The following GALNTL6 variants were observed in gnomAD, a reference collection of about 807,000 sequenced individuals.
The protein encoded by GALNTL6 is polypeptide N-acetylgalactosaminyltransferase like 6, also known as polypeptide N-acetylgalactosaminyltransferase-like 6.
GALNTL6 carries 46 observed loss-of-function variants against 73.7 expected under a neutral mutation model. The ratio of observed to expected loss-of-function variants is 0.62; its 90% CI spans 0.49 to 0.80. The LOEUF (loss-of-function observed/expected upper bound fraction) is 0.80. GALNTL6 is among the 30% of genes least tolerant of loss of function. The probability of loss-of-function intolerance (pLI) is 0.00; values close to 1 mark genes in which losing one functional copy is unlikely to be tolerated. For missense variants in GALNTL6, 604 were observed against 755.0 expected, an observed-to-expected ratio of 0.80 and a Z score of 2.34; for synonymous variants, 259 against 263.7, an observed-to-expected ratio of 0.98 and a Z score of 0.17.
At chr4:172,056,804 C>A (rs1403869825) in intron 2 of GALNTL6, among the ~76,000 whole-genome samples, 1 of 151,902 alleles carries the variant, frequency 6.6e-6, no homozygotes, top group African/African-American at 2.4e-5. Context: ...AGTATCTTTT[C>A]ATTTCATCAG....
At chr4:172,108,751 T>A (rs1023291657) in intron 2 of GALNTL6, among the ~76,000 whole-genome samples, 1 of 151,956 alleles carries the variant, frequency 6.6e-6, no homozygotes, top group East Asian at 1.9e-4. Context: ...CTGGGTGCTA[T>A]GGCTCATCCC....
At chr4:171,934,459 G>A (rs1738281855) in intron 2 of GALNTL6, among the ~76,000 whole-genome samples, 1 of 152,098 alleles carries the variant, frequency 6.6e-6, no homozygotes, top group East Asian at 1.9e-4. Flanking sequence ...CATCATGCAG[G>A]CTGCAGTGCA....
Position 172,264,589 on chromosome 4 carries a change from T to A in GALNTL6, c.247+34825T>A, listed in dbSNP as rs1250410044. On this transcript the variant is annotated intron_variant, in intron 3 of 12. Coordinates refer to ENST00000506823, the MANE Select transcript of GALNTL6 (RefSeq NM_001034845.3). ...ATATATATATATATATATATATATA[T>A]ATATTTGGCATATATATACACATAT... Among the ~76,000 whole-genome samples, 748 of 99,544 alleles carry A rather than the reference T, an allele frequency of 7.5e-3. 13 individuals are homozygous for A. The highest frequency in any genetic ancestry group is 0.027 in the African/African-American group (704 of 26,298). The allele number at this position is 99,544 out of a possible 152,430, so 65.3% of individuals were successfully genotyped here.
At chr4:172,606,663 CTATATATATATACTATAT>C (rs1579236127) in intron 5 of GALNTL6, among the ~76,000 whole-genome samples, 1 of 38,552 alleles carries the variant, frequency 2.6e-5, no homozygotes, top group South Asian at 8.8e-4. Context: ...TATATATATA[CTATATATATATACTATAT>C]ATATAGTATA....
At chr4:172,582,418 T>C (rs1209459710) in intron 5 of GALNTL6, among the ~76,000 whole-genome samples, 1 of 152,128 alleles carries the variant, frequency 6.6e-6, no homozygotes, top group Admixed American at 6.5e-5. Context: ...ACAGATACCA[T>C]AATCTGTGAA....
chr4:172,585,047 A>G (rs1446386419), intron 5 of GALNTL6, among the ~76,000 whole-genome samples: 8 of 152,220 alleles, frequency 5.3e-5, no homozygotes, highest in Non-Finnish European at 1.2e-4. Context: ...CCAAGAAGTC[A>G]GCAAGATAAG....
At chr4:172,840,139 C>A (rs1289588640) in intron 7 of GALNTL6, among the ~76,000 whole-genome samples, 2 of 152,114 alleles carry the variant, frequency 1.3e-5, no homozygotes, top group Non-Finnish European at 2.9e-5. Flanking sequence ...GCAAATGTTC[C>A]TGTTTGTTTT....
At chr4:172,955,802 G>T (rs1340437502) in intron 10 of GALNTL6, among the ~76,000 whole-genome samples, 3 of 151,826 alleles carry the variant, frequency 2.0e-5, no homozygotes, top group Non-Finnish European at 4.4e-5. Context: ...GGTAGGTAAA[G>T]GAAAATTACA....
At chr4:172,378,044 C>T (rs976374311) in intron 5 of GALNTL6, among the ~76,000 whole-genome samples, 2 of 152,096 alleles carry the variant, frequency 1.3e-5, no homozygotes, top group African/African-American at 4.8e-5. Context: ...ATGCTGAGGC[C>T]GCTAAGCAGG....
At chr4:172,042,969 A>T (rs1239745464) in intron 2 of GALNTL6, among the ~76,000 whole-genome samples, 3 of 151,466 alleles carry the variant, frequency 2.0e-5, no homozygotes, top group Non-Finnish European at 4.4e-5. Context: ...AGTGTTACAG[A>T]CTCTCCAAAA....
At chr4:173,012,761 C>G (rs1752610944) in intron 11 of GALNTL6, among the ~76,000 whole-genome samples, 1 of 152,220 alleles carries the variant, frequency 6.6e-6, no homozygotes, top group South Asian at 2.1e-4. Context: ...AGAAACCTCT[C>G]TCAGGTCCAA....
chr4:173,035,252 C>T (rs1222060777), intron 12 of GALNTL6, among the ~76,000 whole-genome samples: 4 of 150,468 alleles, frequency 2.7e-5, no homozygotes, highest in South Asian at 4.2e-4. Context: ...AATCTCGGCT[C>T]ACCGCAACCT....
intron 3 of GALNTL6, among the ~76,000 whole-genome samples, chr4:172,308,932 A>G (rs898959191): frequency 6.6e-6 from 1 of 152,200 alleles, no homozygotes; most frequent in African/African-American, 2.4e-5. Context: ...GTAATTTAAC[A>G]CAATACTTTG....
chr4:172,812,084 G>A (rs1489486135), intron 6 of GALNTL6, among the ~76,000 whole-genome samples: 1 of 152,080 alleles, frequency 6.6e-6, no homozygotes, highest in Non-Finnish European at 1.5e-5. Context: ...AAGGATGGAT[G>A]GATGGATGGA....
chr4:172,103,545 C>A (rs1732583409), intron 2 of GALNTL6, among the ~76,000 whole-genome samples: 1 of 152,182 alleles, frequency 6.6e-6, no homozygotes, highest in South Asian at 2.1e-4. Context: ...CCTATTACAG[C>A]AATTTAAGAT....
chr4:172,325,086 C>A (rs1269327550), intron 4 of GALNTL6, among the ~76,000 whole-genome samples: 1 of 151,312 alleles, frequency 6.6e-6, no homozygotes, highest in African/African-American at 2.4e-5. Flanking sequence ...AATTAAATTT[C>A]TAAATTCCAA....
intron 5 of GALNTL6, among the ~76,000 whole-genome samples, chr4:172,755,244 A>AGATAGATAGATG: frequency 6.6e-6 from 1 of 151,130 alleles, no homozygotes; most frequent in Non-Finnish European, 1.5e-5. Context: ...AGATATAGAT[A>AGATAGATAGATG]GATAGATAGA....
At chr4:172,881,282 G>A (rs1432815166) in intron 7 of GALNTL6, among the ~76,000 whole-genome samples, 1 of 152,194 alleles carries the variant, frequency 6.6e-6, no homozygotes, top group East Asian at 1.9e-4. Context: ...AGATCAGGCT[G>A]CTAGAGAGAG....
chr4:172,021,608 G>T (rs58694544), intron 2 of GALNTL6, among the ~76,000 whole-genome samples: 1 of 152,012 alleles, frequency 6.6e-6, no homozygotes, highest in African/African-American at 2.4e-5. Flanking sequence ...ATTTTATATG[G>T]AACCATAAAG....
Sources: allele counts gnomAD v4.1 joint callset (sites outside exome capture counted in the v4.1 genomes callset), GRCh38; gene constraint gnomAD v4.1.1; transcripts MANE v1.5; gene names NCBI Gene and HGNC (gene_info 2026-07-23, HGNC 2026-07-21).